The following UNC5C variants were observed in gnomAD, a reference collection of about 807,000 sequenced individuals.
UNC5C encodes the protein netrin receptor UNC5C.
UNC5C carries 47 observed loss-of-function variants against 99.8 expected under a neutral mutation model. The observed-to-expected ratio is 0.47, with a 90% CI of 0.37 to 0.60. The LOEUF is 0.60. UNC5C is among the 20% of genes least tolerant of loss of function. The probability of loss-of-function intolerance (pLI) is 0.00; values close to 1 mark genes in which losing one functional copy is unlikely to be tolerated. For missense variants in UNC5C, 1,062 were observed against 1,165.9 expected, an observed-to-expected ratio of 0.91 and a Z score of 1.30; for synonymous variants, 487 against 452.2, an observed-to-expected ratio of 1.08 and a Z score of -0.98.
intron 7 of UNC5C, 59 bp from the exon 8 acceptor site, chr4:95,220,235 T>C (rs1738422265): frequency 1.4e-6 from 2 of 1,390,108 alleles, no homozygotes; most frequent in East Asian, 2.6e-5. Context: ...ACAGTACACA[T>C]ATGTATTGCT....
rs1737057817 is a variant in UNC5C, at chr4:95,190,866, A to G, written c.2137-5670T>C. Reference sequence around the variant, plus strand: ...CTGGCCGGCCCAGAGTGAGGGCTATATTGATTCAGGGAGCCTGTGAGGGAT... The same window carrying G: ...CTGGCCGGCCCAGAGTGAGGGCTATGTTGATTCAGGGAGCCTGTGAGGGAT... On this transcript the variant is annotated intron_variant, in intron 12 of 15. Transcript: ENST00000453304. Among the ~76,000 whole-genome samples, 4 of 152,288 alleles carry G rather than the reference A, an allele frequency of 2.6e-5. No homozygotes were observed. In the South Asian group the frequency reaches 8.3e-4, roughly 32 times the overall value.
At chr4:95,541,738 G>A (rs114863517) in intron 1 of UNC5C, among the ~76,000 whole-genome samples, 470 of 152,046 alleles carry the variant, frequency 3.1e-3, no homozygotes, top group Non-Finnish European at 5.7e-3. Flanking sequence ...CAACTGGACT[G>A]TAGATGCATT....
intron 4 of UNC5C, among the ~76,000 whole-genome samples, chr4:95,255,635 C>CTCCA (rs1553958209): frequency 6.6e-6 from 1 of 152,038 alleles, no homozygotes; most frequent in African/African-American, 2.4e-5. Context: ...CGGATTTGTA[C>CTCCA]TCCGTATCTT....
At chr4:95,255,605 T>C (rs1018215983) in intron 4 of UNC5C, among the ~76,000 whole-genome samples, 1 of 152,058 alleles carries the variant, frequency 6.6e-6, no homozygotes, top group African/African-American at 2.4e-5. Flanking sequence ...GGGAGCTCTC[T>C]GTGTTCCTAT....
At chr4:95,374,180 C>T (rs1051348336) in intron 1 of UNC5C, among the ~76,000 whole-genome samples, 3 of 152,060 alleles carry the variant, frequency 2.0e-5, no homozygotes, top group South Asian at 4.2e-4. Flanking sequence ...TGCAGACTTG[C>T]CCTCAACATT....
intron 1 of UNC5C, among the ~76,000 whole-genome samples, chr4:95,428,256 T>C (rs4380535): frequency 0.63 from 96,383 of 151,842 alleles, 30,924 homozygotes; most frequent in African/African-American, 0.73. Flanking sequence ...AATTGGGTTG[T>C]TGGCCACCAC....
At chr4:95,296,881 T>A (rs1741685889) in intron 3 of UNC5C, among the ~76,000 whole-genome samples, 1 of 152,196 alleles carries the variant, frequency 6.6e-6, no homozygotes, top group East Asian at 1.9e-4. Flanking sequence ...TTCTTCAGAA[T>A]TTGTGGCAGT....
At chr4:95,477,287 G>A (rs17024026) in intron 1 of UNC5C, among the ~76,000 whole-genome samples, 4,830 of 151,918 alleles carry the variant, frequency 0.032, 141 homozygotes, top group African/African-American at 0.076. Context: ...AAGATTACAC[G>A]GTGAGGGTTA....
chr4:95,270,284 G>A (rs900960072), intron 4 of UNC5C, among the ~76,000 whole-genome samples: 9 of 152,152 alleles, frequency 5.9e-5, no homozygotes, highest in African/African-American at 2.2e-4. Context: ...AAAAAAACAA[G>A]TATCCATTCA....
In UNC5C at chr4:95,241,679, A is replaced by G. The variant is rs188849198; in HGVS notation, c.1108+750T>C. Among the ~76,000 whole-genome samples, 5 of 152,292 alleles carry G rather than the reference A, an allele frequency of 3.3e-5. No individual in the cohort carries two copies. The East Asian group carries it at 9.7e-4, about 29-fold the overall frequency. ...TAATACCTCAATTTATGGTCATGAA[A>G]AGAGATAGTAAACTGTGTACATCTG... On this transcript the variant is annotated intron_variant, in intron 7 of 15. Coordinates refer to ENST00000453304, the MANE Select transcript of UNC5C (RefSeq NM_003728.4).
At chr4:95,204,221 GTGA>G (rs1737791892) in intron 11 of UNC5C, among the ~76,000 whole-genome samples, 1 of 152,190 alleles carries the variant, frequency 6.6e-6, no homozygotes, top group African/African-American at 2.4e-5. Context: ...ATAAATGGAA[GTGA>G]TGATTTTTAT....
chr4:95,529,250 G>T (rs1398851038), intron 1 of UNC5C, among the ~76,000 whole-genome samples: 1 of 147,924 alleles, frequency 6.8e-6, no homozygotes, highest in Non-Finnish European at 1.5e-5. Context: ...ACTGAATTGT[G>T]ATTTGAGAGA....
At chr4:95,402,603 T>A (rs565115829) in intron 1 of UNC5C, among the ~76,000 whole-genome samples, 1 of 152,306 alleles carries the variant, frequency 6.6e-6, no homozygotes, top group African/African-American at 2.4e-5. Context: ...GGGTAGTATT[T>A]GAGGACACAT....
intron 1 of UNC5C, among the ~76,000 whole-genome samples, chr4:95,503,435 TA>T (rs1721831395): frequency 6.6e-6 from 1 of 152,204 alleles, no homozygotes; most frequent in African/African-American, 2.4e-5. Context: ...TTCAAGTTTG[TA>T]ATTATTGGAC....
intron 12 of UNC5C, among the ~76,000 whole-genome samples, chr4:95,194,247 T>A (rs1032740758): frequency 1.3e-5 from 2 of 152,230 alleles, no homozygotes; most frequent in African/African-American, 4.8e-5. Context: ...CACATCTATG[T>A]ATTAGGAACA....
intron 1 of UNC5C, among the ~76,000 whole-genome samples, chr4:95,511,207 G>C (rs1722061991): frequency 6.6e-6 from 1 of 152,090 alleles, no homozygotes; most frequent in South Asian, 2.1e-4. Context: ...TATCAGGGCA[G>C]AAGACAAACC....
At chr4:95,481,369 C>G (rs1323723978) in intron 1 of UNC5C, among the ~76,000 whole-genome samples, 2 of 151,830 alleles carry the variant, frequency 1.3e-5, no homozygotes, top group African/African-American at 2.4e-5. Context: ...AGGATACAAA[C>G]AAATGGAACA....
chr4:95,466,832 T>A (rs1046702593), intron 1 of UNC5C, among the ~76,000 whole-genome samples: 1 of 152,230 alleles, frequency 6.6e-6, no homozygotes, highest in African/African-American at 2.4e-5. Context: ...ATTTCTTTGA[T>A]ACGACGTCAT....
intron 1 of UNC5C, among the ~76,000 whole-genome samples, chr4:95,470,283 A>T (rs1236334540): frequency 6.6e-6 from 1 of 152,144 alleles, no homozygotes; most frequent in Non-Finnish European, 1.5e-5. Context: ...GTTTTTCCAT[A>T]TATTTATTTT....
Sources: gnomAD v4.1 joint callset for allele counts (sites outside exome capture counted in the v4.1 genomes callset) on GRCh38, gnomAD v4.1.1 for gene constraint, MANE v1.5 for transcripts, NCBI Gene and HGNC (gene_info 2026-07-23, HGNC 2026-07-21) for gene names.